The following RTN1 variants were observed in gnomAD, a reference collection of about 807,000 sequenced individuals.
The protein encoded by RTN1 is reticulon-1.
A neutral mutation model predicts 65.5 loss-of-function variants in RTN1; 25 were observed. That is an observed-to-expected ratio of 0.38 (90% CI 0.28 to 0.53). The LOEUF (loss-of-function observed/expected upper bound fraction) is 0.53, where lower values mean the gene tolerates loss of function less well. Ranked by LOEUF, RTN1 falls within the 20% of genes least tolerant of loss-of-function variation. The pLI, the probability that RTN1 is intolerant of heterozygous loss-of-function variation, is 0.79. For missense variants in RTN1, 983 were observed against 1,025.4 expected (o/e 0.96, Z 0.57); for synonymous variants, 471 against 447.6 (o/e 1.05, Z -0.66).
intron 1 of RTN1, among the ~76,000 whole-genome samples, chr14:59,863,542 A>C (rs895089537): frequency 6.6e-6 from 1 of 152,058 alleles, no homozygotes; most frequent in Non-Finnish European, 1.5e-5. Flanking sequence ...ACTTTTACTC[A>C]GTTTTCTTTG....
intron 1 of RTN1, among the ~76,000 whole-genome samples, chr14:59,821,495 T>C (rs1886943697): frequency 6.6e-6 from 1 of 152,174 alleles, no homozygotes; most frequent in African/African-American, 2.4e-5. Flanking sequence ...CTCTTCCTAT[T>C]TGGATGTATT....
intron 2 of RTN1, among the ~76,000 whole-genome samples, chr14:59,733,626 A>G (rs1400439101): frequency 1.3e-5 from 2 of 151,958 alleles, no homozygotes; most frequent in Non-Finnish European, 2.9e-5. Flanking sequence ...CAACACAGCT[A>G]TTTTGTTGAG....
Position 59,799,732 on chromosome 14 carries a change from C to T in RTN1, c.242-53251G>A, listed in dbSNP as rs150796941. Among the ~76,000 whole-genome samples the T allele has an allele frequency of 2.0e-5, 3 of 152,148 alleles. No homozygotes were observed. In the East Asian group the frequency reaches 5.8e-4, roughly 29 times the overall value. On this transcript the variant is annotated intron_variant, in intron 1 of 8. Transcript: ENST00000267484. Reference sequence around the variant, plus strand: ...AGGCATTCAGGTCGTGACCAGGTGCCGGGAGGCAAACAAAAAATACTGCCC... The same window carrying T: ...AGGCATTCAGGTCGTGACCAGGTGCTGGGAGGCAAACAAAAAATACTGCCC...
At chr14:59,719,230 C>A (rs1884599070) in intron 3 of RTN1, among the ~76,000 whole-genome samples, 1 of 152,214 alleles carries the variant, frequency 6.6e-6, no homozygotes, top group Non-Finnish European at 1.5e-5. Context: ...TGCCATTCTT[C>A]CCCTTGCCTA....
intron 2 of RTN1, among the ~76,000 whole-genome samples, chr14:59,739,159 G>GA (rs375285553): frequency 0.034 from 4,883 of 144,622 alleles, 259 homozygotes; most frequent in African/African-American, 0.11. Context: ...GAGCTTAAAA[G>GA]AAAAAAAAAA....
chr14:59,619,892 T>C (rs186114907), intron 3 of RTN1, among the ~76,000 whole-genome samples: 284 of 152,238 alleles, frequency 1.9e-3, no homozygotes, highest in African/African-American at 6.5e-3. Context: ...ATTCATAACT[T>C]TGCAGGGGGC....
At chr14:59,615,715 CTTTTAAAGATGAT>C (rs1882083785) in intron 3 of RTN1, among the ~76,000 whole-genome samples, 1 of 151,980 alleles carries the variant, frequency 6.6e-6, no homozygotes, top group Non-Finnish European at 1.5e-5. Flanking sequence ...ATGTTTTTCT[CTTTTAAAGATGAT>C]TTTTATGTAA....
chr14:59,614,873 T>C (rs945216987), intron 3 of RTN1, among the ~76,000 whole-genome samples: 1 of 152,228 alleles, frequency 6.6e-6, no homozygotes, highest in African/African-American at 2.4e-5. Context: ...AACATTGTAA[T>C]ATGTAGTTGA....
At chr14:59,786,171 C>T (rs1385424825) in intron 1 of RTN1, among the ~76,000 whole-genome samples, 1 of 152,220 alleles carries the variant, frequency 6.6e-6, no homozygotes, top group Non-Finnish European at 1.5e-5. Context: ...CTAGACATTA[C>T]TAAACCACCA....
chr14:59,739,495 C>T (rs1885071930), intron 2 of RTN1, among the ~76,000 whole-genome samples: 1 of 148,340 alleles, frequency 6.7e-6, no homozygotes, highest in South Asian at 2.1e-4. Flanking sequence ...GAGCCGAGAT[C>T]ATGCCACTGC....
chr14:59,865,013 G>A (rs911305150), intron 1 of RTN1, among the ~76,000 whole-genome samples: 9 of 152,122 alleles, frequency 5.9e-5, no homozygotes, highest in East Asian at 1.9e-4. Flanking sequence ...TCAGTTGAGC[G>A]TTTTGCAGAG....
At chr14:59,688,742 T>G (rs1272963731) in intron 3 of RTN1, among the ~76,000 whole-genome samples, 1 of 151,570 alleles carries the variant, frequency 6.6e-6, no homozygotes, top group Admixed American at 6.6e-5. Flanking sequence ...AATCACATCC[T>G]CCAGGGAGGG....
chr14:59,799,009 G>A (rs1050107506), intron 1 of RTN1, among the ~76,000 whole-genome samples: 3 of 152,108 alleles, frequency 2.0e-5, no homozygotes, highest in Admixed American at 6.5e-5. Flanking sequence ...AAGCAATCAT[G>A]TCTGAATTTT....
At chr14:59,847,871 G>A (rs559562304) in intron 1 of RTN1, among the ~76,000 whole-genome samples, 1 of 152,246 alleles carries the variant, frequency 6.6e-6, no homozygotes, top group Non-Finnish European at 1.5e-5. Flanking sequence ...GAGGAAGCTG[G>A]CACAGATTGC....
chr14:59,727,418 G>A lies in RTN1; in HGVS notation c.1266C>T (p.Ala422=), dbSNP rs776588451. ...AGCCTGAGGGCAGCGCGTCCTCCGC[G>A]GCCATGGGGTCCTCGGACACCAGCT... ...EIELVSEDPM[A]AEDALPSGYV... Residue 422 remains alanine (A), a synonymous_variant, in exon 3 of 9, where the codon GCC becomes GCT. Coordinates refer to ENST00000267484, the MANE Select transcript of RTN1 (RefSeq NM_021136.3). This position sits in a 1 kb window ranked among gnomAD's most constrained non-coding sequence, Gnocchi z 4.2. The A allele has an allele frequency of 3.0e-5, 47 of 1,550,726 alleles. No individual in the cohort carries two copies. The East Asian group carries it at 4.8e-4, about 16-fold the overall frequency.
intron 3 of RTN1, among the ~76,000 whole-genome samples, chr14:59,633,551 G>T (rs1009839960): frequency 3.9e-5 from 6 of 152,170 alleles, no homozygotes; most frequent in African/African-American, 1.4e-4. Context: ...CTCTTGCCAA[G>T]ATCAAAACGA....
intron 1 of RTN1, among the ~76,000 whole-genome samples, chr14:59,860,033 C>T (rs1160918340): frequency 6.6e-6 from 1 of 152,162 alleles, no homozygotes; most frequent in Non-Finnish European, 1.5e-5. Flanking sequence ...TTTCTGAGGA[C>T]AAATTCAAGT....
chr14:59,622,260 G>C (rs1221625837), intron 3 of RTN1, among the ~76,000 whole-genome samples: 2 of 152,218 alleles, frequency 1.3e-5, no homozygotes, highest in African/African-American at 4.8e-5. Flanking sequence ...AGAATCACTT[G>C]AACCCAGGAG....
At chr14:59,777,300 CT>C (rs1364426485) in intron 1 of RTN1, among the ~76,000 whole-genome samples, 1 of 152,146 alleles carries the variant, frequency 6.6e-6, no homozygotes, top group Non-Finnish European at 1.5e-5. Flanking sequence ...TTGTGTTTGA[CT>C]GTTTGTCTTT....
Sources: gnomAD v4.1 joint callset for allele counts (sites outside exome capture counted in the v4.1 genomes callset) on GRCh38, gnomAD v4.1.1 for gene constraint, Gnocchi (gnomAD v3.1) non-coding constraint, MANE v1.5 for transcripts, NCBI Gene and HGNC (gene_info 2026-07-23, HGNC 2026-07-21) for gene names.